The following VEGFC variants were observed in gnomAD, a reference collection of about 807,000 sequenced individuals.
VEGFC encodes FLT4 ligand DHM.
Under a neutral mutation model 46.1 loss-of-function variants are expected in VEGFC, and 12 were observed. The ratio of observed to expected loss-of-function variants is 0.26; its 90% CI spans 0.17 to 0.42. The LOEUF (loss-of-function observed/expected upper bound fraction) is 0.42. VEGFC is among the 10% of genes least tolerant of loss of function. The pLI, the probability that VEGFC is intolerant of heterozygous loss-of-function variation, is 1.00. For missense variants in VEGFC, 488 were observed against 529.4 expected (o/e 0.92, Z 0.77); for synonymous variants, 232 against 195.5 (o/e 1.19, Z -1.56).
At chr4:176,773,559 GAGA>G (rs746025810) in intron 1 of VEGFC, among the ~76,000 whole-genome samples, 47 of 152,268 alleles carry the variant, frequency 3.1e-4, no homozygotes, top group Middle Eastern at 6.8e-3. Context: ...AAAAATTTTA[GAGA>G]AGGAGACCAA....
chr4:176,711,817 C>A (rs1447856784), intron 3 of VEGFC, among the ~76,000 whole-genome samples, 167 bp from the exon 4 acceptor site: 1 of 152,126 alleles, frequency 6.6e-6, no homozygotes, highest in Non-Finnish European at 1.5e-5. Context: ...CTGTCTTGCT[C>A]CTAACCAGTA....
chr4:176,712,706 G>A (rs1734638971), intron 3 of VEGFC, among the ~76,000 whole-genome samples: 1 of 151,926 alleles, frequency 6.6e-6, no homozygotes, highest in Non-Finnish European at 1.5e-5. Context: ...ATCAGCTGAA[G>A]ACCATTGAAA....
rs549561235 is a variant in VEGFC at position 176,760,458 on chromosome 4, G to A, written c.148-30712C>T. 3.3e-3 allele frequency among the ~76,000 whole-genome samples: 501 copies of A among 152,214 alleles called. 5 individuals are homozygous for A. Among genetic ancestry groups the A allele is most frequent in the Admixed American group, 7.8e-3 (120 of 15,290 alleles). On this transcript the variant is annotated intron_variant, in intron 1 of 6. Coordinates refer to ENST00000618562, the MANE Select transcript of VEGFC (RefSeq NM_005429.5). ...GTAGATTTAATCTGACTCAAGCCTC[G>A]CTAAAATATCTTCCAATGTTTTTAG...
intron 1 of VEGFC, among the ~76,000 whole-genome samples, chr4:176,746,942 G>T (rs1363133358): frequency 1.5e-4 from 23 of 152,122 alleles, no homozygotes; most frequent in Non-Finnish European, 5.9e-5. Flanking sequence ...TTGCTTGAGT[G>T]CTTCGATATC....
At chr4:176,700,270 A>C (rs1281446594) in intron 4 of VEGFC, among the ~76,000 whole-genome samples, 3 of 152,156 alleles carry the variant, frequency 2.0e-5, no homozygotes, top group Non-Finnish European at 4.4e-5. Context: ...TATACAAATT[A>C]GCCAGGTGTG....
chr4:176,722,918 T>G (rs768892891), intron 3 of VEGFC, among the ~76,000 whole-genome samples: 2 of 152,166 alleles, frequency 1.3e-5, no homozygotes, highest in African/African-American at 4.8e-5. Flanking sequence ...CAATACCCAC[T>G]GGGTGAATGT....
intron 1 of VEGFC, among the ~76,000 whole-genome samples, chr4:176,748,150 G>A (rs186070709): frequency 2.8e-4 from 43 of 152,124 alleles, no homozygotes; most frequent in Non-Finnish European, 5.6e-4. Context: ...ATTATTAGGT[G>A]ACGACATACA....
intron 1 of VEGFC, among the ~76,000 whole-genome samples, chr4:176,731,335 G>C (rs576239575): frequency 6.6e-6 from 1 of 152,128 alleles, no homozygotes; most frequent in East Asian, 1.9e-4. Context: ...ATTTATAAAA[G>C]TGATTATAAA....
chr4:176,689,218 A>C (rs536825387), intron 4 of VEGFC: 1 of 152,316 alleles, frequency 6.6e-6, no homozygotes, highest in East Asian at 1.9e-4. Context: ...AGAACATAGT[A>C]AGAATCCTAT....
intron 1 of VEGFC, among the ~76,000 whole-genome samples, chr4:176,736,476 T>C (rs1735056348): frequency 6.6e-6 from 1 of 151,482 alleles, no homozygotes; most frequent in Non-Finnish European, 1.5e-5. Context: ...AGTTCTACTA[T>C]AAAAAATATA....
chr4:176,763,657 GT>G (rs530897480), intron 1 of VEGFC, among the ~76,000 whole-genome samples: 20 of 151,970 alleles, frequency 1.3e-4, no homozygotes, highest in Admixed American at 5.2e-4. Flanking sequence ...AAATAATTTG[GT>G]TCATATTAAC....
chr4:176,724,759 C>T (rs761022041), intron 3 of VEGFC, among the ~76,000 whole-genome samples: 26 of 152,150 alleles, frequency 1.7e-4, no homozygotes, highest in Non-Finnish European at 2.1e-4. Flanking sequence ...AGAATCATTA[C>T]ATTAGATGAT....
At chr4:176,686,135 G>T (rs1734037962) in intron 6 of VEGFC, among the ~76,000 whole-genome samples, 3 of 152,250 alleles carry the variant, frequency 2.0e-5, no homozygotes, top group Non-Finnish European at 4.4e-5. Context: ...AGACAACTAG[G>T]AAAGTACAAT....
At chr4:176,700,911 T>C (rs1734420246) in intron 4 of VEGFC, among the ~76,000 whole-genome samples, 1 of 152,156 alleles carries the variant, frequency 6.6e-6, no homozygotes, top group Non-Finnish European at 1.5e-5. Context: ...TAAGAGTTGA[T>C]ATGACATCAA....
chr4:176,784,488 C>T (rs923572076), intron 1 of VEGFC, among the ~76,000 whole-genome samples: 6 of 151,672 alleles, frequency 4.0e-5, no homozygotes, highest in African/African-American at 1.5e-4. Flanking sequence ...TGGTTCACAC[C>T]TGTAATCCCA....
At chr4:176,742,921 C>T (rs1240951443) in intron 1 of VEGFC, among the ~76,000 whole-genome samples, 1 of 151,944 alleles carries the variant, frequency 6.6e-6, no homozygotes, top group Non-Finnish European at 1.5e-5. Context: ...GTGGATGTCT[C>T]CTAAGTTGAG....
intron 4 of VEGFC, 135 bp downstream of exon 4, chr4:176,711,364 T>C: frequency 9.8e-7 from 1 of 1,023,606 alleles, no homozygotes; most frequent in Non-Finnish European, 1.3e-6. Flanking sequence ...ATACAAAATT[T>C]TGTCTTTGTT....
rs189191193 is a variant in VEGFC, at chr4:176,742,934, A to T, written c.148-13188T>A. On this transcript the variant is annotated intron_variant, in intron 1 of 6. Transcript: ENST00000618562. ...AAGTGGATGTCTCCTAAGTTGAGAC[A>T]GTAGTCATTCTGATATTACGGAAAT... Among the ~76,000 whole-genome samples, 476 of 152,184 alleles carry T rather than the reference A, an allele frequency of 3.1e-3. 2 individuals are homozygous for T. The highest frequency in any genetic ancestry group is 5.4e-3 in the Non-Finnish European group (366 of 67,972).
At chr4:176,742,437 A>G (rs1483441603) in intron 1 of VEGFC, among the ~76,000 whole-genome samples, 5 of 151,940 alleles carry the variant, frequency 3.3e-5, no homozygotes, top group African/African-American at 1.2e-4. Flanking sequence ...TTCCTCTTAT[A>G]TAGTACCACC....
Sources: gnomAD v4.1 joint callset for allele counts (sites outside exome capture counted in the v4.1 genomes callset) on GRCh38, gnomAD v4.1.1 for gene constraint, MANE v1.5 for transcripts, NCBI Gene and HGNC (gene_info 2026-07-23, HGNC 2026-07-21) for gene names.